The following SARS2 variants were observed in gnomAD, a reference collection of about 807,000 sequenced individuals.
SARS2 encodes the protein seryl-tRNA synthetase 2, mitochondrial.
In SARS2, 52 loss-of-function variants were observed where a neutral mutation model predicts 66.8. The ratio of observed to expected loss-of-function variants is 0.78; its 90% CI spans 0.62 to 0.98. The LOEUF (loss-of-function observed/expected upper bound fraction) is 0.98. SARS2 is among the 50% of genes least tolerant of loss of function. The pLI is 0.00. For missense variants in SARS2, 673 were observed against 706.3 expected, an observed-to-expected ratio of 0.95 and a Z score of 0.53; for synonymous variants, 306 against 281.4, an observed-to-expected ratio of 1.09 and a Z score of -0.87.
chr19:38,921,042 TAC>T (rs59251557), intron 5 of SARS2, among the ~76,000 whole-genome samples: 7,210 of 141,594 alleles, frequency 0.051, 609 homozygotes, highest in African/African-American at 0.18. Context: ...CACACACAGA[TAC>T]ACAGATACAG....
rs749994514 is a variant in SARS2 at position 38,915,746 on chromosome 19, C to T, written c.1417G>A (p.Gly473Ser). Reference sequence around the variant, plus strand: ...AGGGCAGGGGGCACGAGCACTGAGCCGTCCTGGGGACAGAGCAGACCTCAG... The same window carrying T: ...AGGGCAGGGGGCACGAGCACTGAGCTGTCCTGGGGACAGAGCAGACCTCAG... ...ALLESNQQKD[G>S]SVLVPPALQS... is the part of the protein sequence containing the mutation. The change falls in exon 16 of 16, where the codon GGC (glycine) becomes AGC (serine). Residue 473 changes from glycine to serine, a missense_variant. By Grantham distance (56) the Gly-to-Ser change is moderately conservative. Coordinates refer to ENST00000221431, the MANE Select transcript of SARS2 (RefSeq NM_017827.4). The T allele has an allele frequency of 3.1e-5, 50 of 1,613,096 alleles. No homozygotes were observed. The highest frequency in any genetic ancestry group is 2.7e-5 in the African/African-American group (2 of 74,902).
At chr19:38,916,169 G>C in intron 13 of SARS2, 40 bp from the exon 14 acceptor site, 1 of 1,613,102 alleles carries the variant, frequency 6.2e-7, no homozygotes, top group Non-Finnish European at 8.5e-7. Flanking sequence ...ATCAGGGATG[G>C]GGGGCAGGCC....
intron 9 of SARS2, 36 bp downstream of exon 9, chr19:38,918,386 C>T: frequency 6.3e-7 from 1 of 1,575,148 alleles, no homozygotes; most frequent in Non-Finnish European, 8.7e-7. Context: ...TTCCACATCA[C>T]TCCTGCTCCT....
chr19:38,918,301 T>C, intron 9 of SARS2, 121 bp downstream of exon 9: 1 of 1,157,572 alleles, frequency 8.6e-7, no homozygotes, highest in African/African-American at 1.5e-5. Flanking sequence ...CAGCCGTACA[T>C]GTTGGCCCTG....
At chr19:38,929,654 G>C (rs1277538146) in intron 1 of SARS2, among the ~76,000 whole-genome samples, 2 of 151,708 alleles carry the variant, frequency 1.3e-5, no homozygotes, top group Non-Finnish European at 2.9e-5. Flanking sequence ...CCTAGCGCAA[G>C]TGAATTAGCT....
At chr19:38,921,737 C>A in intron 3 of SARS2, 70 bp from the exon 4 acceptor site, 1 of 1,588,888 alleles carries the variant, frequency 6.3e-7, no homozygotes, top group East Asian at 2.3e-5. Flanking sequence ...GACCTTGATC[C>A]TGACCGGCAG....
At chr19:38,922,120 T>C (rs1332253771) in intron 3 of SARS2, 118 bp downstream of exon 3, 1 of 1,607,118 alleles carries the variant, frequency 6.2e-7, no homozygotes, top group African/African-American at 1.3e-5. Flanking sequence ...GAGCCTATTT[T>C]TTTTTTCCCC....
In SARS2 at chr19:38,917,886, C is replaced by G. The variant is rs201516953; in HGVS notation, c.1050+35G>C. 2.2e-4 allele frequency: 362 copies of G among 1,613,210 alleles called. 1 individual carries two copies. The African/African-American group carries it at 4.6e-3, about 20-fold the overall frequency. On this transcript the variant is annotated intron_variant, in intron 11 of 15. Coordinates refer to ENST00000221431, the MANE Select transcript of SARS2 (RefSeq NM_017827.4). ...GGCTCTGAGCTCTTGGGGTGGCCCCCCACCCCAGCCCCGTTTAGTCCCAGC... is the reference window on the plus strand; with the variant it reads ...GGCTCTGAGCTCTTGGGGTGGCCCCGCACCCCAGCCCCGTTTAGTCCCAGC...
At chr19:38,919,658 G>A in intron 7 of SARS2, 104 bp downstream of exon 7, 1 of 861,226 alleles carries the variant, frequency 1.2e-6, no homozygotes, top group South Asian at 1.4e-5. Context: ...AGCTCTGAGA[G>A]CAGTGACTAG....
At chr19:38,920,720 CAG>C (rs1974506686) in intron 5 of SARS2, among the ~76,000 whole-genome samples, 1 of 151,754 alleles carries the variant, frequency 6.6e-6, no homozygotes, top group Admixed American at 6.6e-5. Flanking sequence ...CACGCACACA[CAG>C]ATACACACAA....
In SARS2 at chr19:38,930,750, C is replaced by G; in HGVS notation, c.-14G>C. 1 of 1,611,042 alleles carries G rather than the reference C, an allele frequency of 6.2e-7. No homozygotes were observed. The highest frequency in any genetic ancestry group is 8.5e-7 in the Non-Finnish European group (1 of 1,179,984). ...GGACGCAGCCATCTTGGACCGGGAA[C>G]AAGGCGGCACTTCGTCCCGCCCACT... On this transcript the variant is annotated 5_prime_UTR_variant, in exon 1 of 16. Transcript: ENST00000221431.
intron 2 of SARS2, among the ~76,000 whole-genome samples, chr19:38,925,013 C>T (rs1974604110): frequency 6.6e-6 from 1 of 152,110 alleles, no homozygotes; most frequent in Admixed American, 6.6e-5. Context: ...GGTTGTATAA[C>T]CCAAGATCCC....
rs1363970851 is a variant in SARS2 at position 38,930,474 on chromosome 19, G to A, written c.263C>T (p.Ala88Val). The change falls in exon 1 of 16, where the codon GCG (alanine) becomes GTG (valine). Residue 88 changes from alanine (A) to valine (V), a missense_variant. Ala to Val is a moderately conservative substitution (Grantham distance 64). Coordinates refer to ENST00000221431, the MANE Select transcript of SARS2 (RefSeq NM_017827.4). The part of the protein sequence containing the change: ...KGELRSADLP[A>V]IISTWQELRQ... ...GGCCGGCGCAGGCGCACTCACGATC[G>A]CGGGCAGGTCCGCCGAGCGCAGCTC... 4 of 1,595,658 alleles carry A rather than the reference G, an allele frequency of 2.5e-6. No individual in the cohort carries two copies. In the Admixed American group the frequency reaches 6.7e-5, roughly 27 times the overall value.
chr19:38,918,681 G>C, intron 8 of SARS2, 85 bp downstream of exon 8: 1 of 1,482,574 alleles, frequency 6.7e-7, no homozygotes, highest in Non-Finnish European at 9.2e-7. Context: ...GCCCCAGGGC[G>C]GTCTCCTCAG....
At chr19:38,918,888 G>T in intron 7 of SARS2, 75 bp from the exon 8 acceptor site, 3 of 1,407,050 alleles carry the variant, frequency 2.1e-6, no homozygotes, top group Non-Finnish European at 3.0e-6. Context: ...AAGAAGGGGT[G>T]CTGCAGAGCC....
At chr19:38,920,794 TAC>T (rs1048801480) in intron 5 of SARS2, among the ~76,000 whole-genome samples, 1 of 141,134 alleles carries the variant, frequency 7.1e-6, no homozygotes, top group East Asian at 2.1e-4. Flanking sequence ...GATATGCAGA[TAC>T]ACACACAGAC....
At chr19:38,926,078 G>C in intron 2 of SARS2, 127 bp downstream of exon 2, 1 of 809,864 alleles carries the variant, frequency 1.2e-6, no homozygotes, top group African/African-American at 1.7e-5. Context: ...GGCCTCCCGA[G>C]TAGCTGGGAT....
intron 12 of SARS2, 49 bp downstream of exon 12, chr19:38,917,675 T>C: frequency 5.0e-5 from 34 of 686,404 alleles, no homozygotes; most frequent in Non-Finnish European, 5.8e-5. Context: ...CCCTTGTCCC[T>C]CCCCTACCCC....
intron 5 of SARS2, among the ~76,000 whole-genome samples, chr19:38,920,824 TACAC>T (rs1003711556): frequency 2.6e-4 from 36 of 139,260 alleles, no homozygotes; most frequent in African/African-American, 9.5e-4. Flanking sequence ...GACAGACACA[TACAC>T]ACAGACACAG....
Sources: gnomAD v4.1 joint callset for allele counts (sites outside exome capture counted in the v4.1 genomes callset) on GRCh38, gnomAD v4.1.1 for gene constraint, MANE v1.5 for transcripts, NCBI Gene and HGNC (gene_info 2026-07-23, HGNC 2026-07-21) for gene names.